The following RASGRF2 variants were observed in gnomAD, a reference collection of about 807,000 sequenced individuals.
RASGRF2 encodes the protein Ras protein specific guanine nucleotide releasing factor 2.
Under a neutral mutation model 151.0 loss-of-function variants are expected in RASGRF2, and 76 were observed. That is an observed-to-expected ratio of 0.50 (90% CI 0.42 to 0.61). The LOEUF is 0.61. RASGRF2 is among the 20% of genes least tolerant of loss of function. The pLI is 0.00. For missense variants in RASGRF2, 1,148 were observed against 1,564.6 expected, an observed-to-expected ratio of 0.73 and a Z score of 4.49; for synonymous variants, 504 against 566.5, an observed-to-expected ratio of 0.89 and a Z score of 1.57.
chr5:81,013,884 AC>A (rs1436731277), intron 1 of RASGRF2, among the ~76,000 whole-genome samples: 1 of 152,062 alleles, frequency 6.6e-6, no homozygotes, highest in African/African-American at 2.4e-5. Flanking sequence ...TTATCATAGT[AC>A]CCTGTCTGAT....
intron 1 of RASGRF2, among the ~76,000 whole-genome samples, chr5:81,003,773 C>T (rs1418876514): frequency 6.6e-6 from 1 of 152,138 alleles, no homozygotes; most frequent in Non-Finnish European, 1.5e-5. Flanking sequence ...ATCTGTGTAA[C>T]ACAGGGCCAG....
chr5:81,025,414 G>A lies in RASGRF2; in HGVS notation c.289-17463G>A, dbSNP rs560691019. 8.5e-5 allele frequency among the ~76,000 whole-genome samples: 13 copies of A among 152,302 alleles called. No individual in the cohort carries two copies. In the South Asian group the frequency reaches 1.5e-3, roughly 17 times the overall value. On this transcript the variant is annotated intron_variant, in intron 1 of 26. Transcript: ENST00000265080. ...GAGCTCCTCACACTAGCTTGAGGCC[G>A]AGAGAACACCCTTCCCCCTTCCCCA...
At chr5:81,054,329 C>T (rs1462432867) in intron 2 of RASGRF2, among the ~76,000 whole-genome samples, 2 of 151,546 alleles carry the variant, frequency 1.3e-5, no homozygotes, top group African/African-American at 4.9e-5. Flanking sequence ...GATCCAGTTT[C>T]AGCTTTCCAC....
rs572031557 is a variant in RASGRF2, at chr5:81,196,141, C to T, written c.2794-5189C>T. Among the ~76,000 whole-genome samples, 3 of 152,268 alleles carry T rather than the reference C, an allele frequency of 2.0e-5. No individual in the cohort carries two copies. The South Asian group carries it at 6.2e-4, about 32-fold the overall frequency. ...GGGCGTGGTGGTGTGCACCTGTAGT[C>T]ACAGCTGCTCGGGAGGCTGAGGTGT... On this transcript the variant is annotated intron_variant, in intron 18 of 26. Transcript: ENST00000265080.
At chr5:81,192,192 G>GT (rs1040425889) in intron 18 of RASGRF2, among the ~76,000 whole-genome samples, 8 of 152,142 alleles carry the variant, frequency 5.3e-5, no homozygotes, top group Non-Finnish European at 1.0e-4. Context: ...TTGTCTGTGG[G>GT]TTTTACTACC....
At chr5:81,081,816 C>T (rs967467315) in intron 7 of RASGRF2, among the ~76,000 whole-genome samples, 4 of 152,226 alleles carry the variant, frequency 2.6e-5, no homozygotes, top group Admixed American at 6.5e-5. Flanking sequence ...GATTTTTAAC[C>T]GAAAGGATGC....
intron 13 of RASGRF2, among the ~76,000 whole-genome samples, chr5:81,109,977 C>A (rs1051635838): frequency 3.3e-5 from 5 of 152,146 alleles, no homozygotes; most frequent in Admixed American, 3.3e-4. Flanking sequence ...GTATATACTA[C>A]TATTTTTTCC....
At chr5:80,983,578 G>A (rs1489028787) in intron 1 of RASGRF2, among the ~76,000 whole-genome samples, 1 of 152,232 alleles carries the variant, frequency 6.6e-6, no homozygotes, top group Non-Finnish European at 1.5e-5. Context: ...CTCTGGGTCT[G>A]CAGGGCCTAA....
At position 81,119,567 on chromosome 5, in the gene RASGRF2, A is replaced by G. The variant is rs146591963; in HGVS notation, c.2471-4075A>G. Reference sequence around the variant, plus strand: ...ATGGAGAGACCAAGATAAATGAGAAAGAGCTGGATCAAGCTCTTAGGGAAG... The same window carrying G: ...ATGGAGAGACCAAGATAAATGAGAAGGAGCTGGATCAAGCTCTTAGGGAAG... On this transcript the variant is annotated intron_variant, in intron 15 of 26. Coordinates refer to ENST00000265080, the MANE Select transcript of RASGRF2 (RefSeq NM_006909.3). Among the ~76,000 whole-genome samples the G allele has an allele frequency of 3.8e-3, 574 of 152,368 alleles. 2 individuals carry two copies. The highest frequency in any genetic ancestry group is 6.5e-3 in the Non-Finnish European group (441 of 68,032).
rs565730739 is a variant in RASGRF2 at position 81,147,833 on chromosome 5, A to G, written c.2686+20670A>G. On this transcript the variant is annotated intron_variant, in intron 17 of 26. Coordinates refer to ENST00000265080, the MANE Select transcript of RASGRF2 (RefSeq NM_006909.3). ...GAAATTAATTAAAAACAGTAGAGCAACTTAGTCTGGATAAGCCTTCATCTG... is the reference window on the plus strand; with the variant it reads ...GAAATTAATTAAAAACAGTAGAGCAGCTTAGTCTGGATAAGCCTTCATCTG... Among the ~76,000 whole-genome samples, 73 of 152,326 alleles carry G rather than the reference A, an allele frequency of 4.8e-4. 1 individual carries two copies. The South Asian group carries it at 0.015, about 31-fold the overall frequency.
At chr5:80,976,193 A>G (rs1358759279) in intron 1 of RASGRF2, among the ~76,000 whole-genome samples, 1 of 152,158 alleles carries the variant, frequency 6.6e-6, no homozygotes, top group Non-Finnish European at 1.5e-5. Flanking sequence ...GTTAATTTTT[A>G]TGAACATTGT....
intron 2 of RASGRF2, among the ~76,000 whole-genome samples, chr5:81,050,170 G>T (rs1487769372): frequency 6.6e-6 from 1 of 152,130 alleles, no homozygotes; most frequent in Non-Finnish European, 1.5e-5. Flanking sequence ...TTGCCCTGGT[G>T]CAGGCCATCA....
intron 18 of RASGRF2, among the ~76,000 whole-genome samples, chr5:81,189,196 G>A (rs780828537): frequency 6.6e-6 from 1 of 152,114 alleles, no homozygotes; most frequent in African/African-American, 2.4e-5. Flanking sequence ...AGAGCTGCCC[G>A]CGGTGAAGGG....
intron 2 of RASGRF2, among the ~76,000 whole-genome samples, chr5:81,054,995 G>A (rs375470817): frequency 1.8e-4 from 28 of 152,300 alleles, no homozygotes; most frequent in Admixed American, 3.9e-4. Context: ...AGACTTTGCC[G>A]AAGTTGCTTA....
chr5:81,202,924 T>C (rs1755429469), intron 19 of RASGRF2, among the ~76,000 whole-genome samples: 1 of 152,248 alleles, frequency 6.6e-6, no homozygotes, highest in Admixed American at 6.5e-5. Flanking sequence ...CTGCTGACTG[T>C]TCGATTACAG....
At chr5:81,073,509 A>G in intron 5 of RASGRF2, 57 bp downstream of exon 5, 6 of 1,526,636 alleles carry the variant, frequency 3.9e-6, no homozygotes, top group Non-Finnish European at 5.3e-6. Context: ...ATTTCCAACA[A>G]GAATTTTTAC....
chr5:81,171,746 ATGT>A (rs1419230591), intron 17 of RASGRF2, among the ~76,000 whole-genome samples: 1 of 152,216 alleles, frequency 6.6e-6, no homozygotes, highest in African/African-American at 2.4e-5. Flanking sequence ...TCCCACAAAC[ATGT>A]TGTCACCTTT....
rs372222879 is a variant in RASGRF2 at position 81,208,393 on chromosome 5, C to T, written c.3111C>T (p.Asn1037=). The T allele has an allele frequency of 3.2e-5, 52 of 1,613,860 alleles. No homozygotes were observed. The African/African-American group carries it at 3.7e-4, about 12-fold the overall frequency. Residue 1037 remains asparagine, a synonymous_variant, in exon 22 of 27, where the codon AAC becomes AAT. Transcript: ENST00000265080. ...AGGGGTGGATGAAGCTGGATAAAAACGAAAGAACTCCTTACATTATGAAAA... is the reference window on the plus strand; with the variant it reads ...AGGGGTGGATGAAGCTGGATAAAAATGAAAGAACTCCTTACATTATGAAAA... ...LGQGWMKLDK[N]ERTPYIMKTS... is the part of the protein sequence containing the mutation.
intron 1 of RASGRF2, among the ~76,000 whole-genome samples, chr5:80,977,780 A>G (rs939021159): frequency 6.6e-5 from 10 of 152,158 alleles, no homozygotes; most frequent in African/African-American, 2.2e-4. Flanking sequence ...TAAATTCTTC[A>G]CAATTACATT....
Sources: allele counts gnomAD v4.1 joint callset (sites outside exome capture counted in the v4.1 genomes callset), GRCh38; gene constraint gnomAD v4.1.1; transcripts MANE v1.5; gene names NCBI Gene and HGNC (gene_info 2026-07-23, HGNC 2026-07-21).